Variants in RABGAP1L observed in about 807,000 individuals in gnomAD.
RABGAP1L encodes the protein rab GTPase-activating protein 1-like.
Under a neutral mutation model 137.7 loss-of-function variants are expected in RABGAP1L, and 63 were observed. That is an observed-to-expected ratio of 0.46 (90% confidence interval 0.37 to 0.56). RABGAP1L has a LOEUF of 0.56. Ranked by LOEUF, RABGAP1L falls within the 20% of genes least tolerant of loss-of-function variation. The pLI is 0.00. For synonymous variants in RABGAP1L, 431 were observed against 433.7 expected (o/e 0.99, Z 0.08); for missense variants, 1,095 against 1,244.0 (o/e 0.88, Z 1.80).
intron 13 of RABGAP1L, among the ~76,000 whole-genome samples, chr1:174,504,902 A>G (rs1340685213): frequency 6.6e-6 from 1 of 152,232 alleles, no homozygotes; most frequent in East Asian, 1.9e-4. Context: ...GCTTCTGCAC[A>G]GCAAAAGAAA....
intron 17 of RABGAP1L, among the ~76,000 whole-genome samples, chr1:174,720,286 T>TAGACAGAC (rs1405238811): frequency 5.2e-5 from 7 of 134,168 alleles, no homozygotes; most frequent in African/African-American, 2.6e-4. Flanking sequence ...GATAGATAGA[T>TAGACAGAC]AGATAGACAG....
chr1:174,743,528 A>G (rs1246918056), intron 17 of RABGAP1L, among the ~76,000 whole-genome samples: 1 of 152,142 alleles, frequency 6.6e-6, no homozygotes. Flanking sequence ...AGTTTTATCT[A>G]ATTCAGATGT....
chr1:174,895,790 G>C (rs1657051808), intron 19 of RABGAP1L, among the ~76,000 whole-genome samples: 1 of 152,108 alleles, frequency 6.6e-6, no homozygotes, highest in African/African-American at 2.4e-5. Flanking sequence ...TTTTGTGGCT[G>C]CATAGTATTC....
chr1:174,642,312 A>G (rs904887572), intron 14 of RABGAP1L, among the ~76,000 whole-genome samples: 4 of 152,068 alleles, frequency 2.6e-5, no homozygotes, highest in Admixed American at 6.5e-5. Flanking sequence ...TTTACCAAAT[A>G]TTTTTATCAA....
At chr1:174,551,003 T>TATATATATAC (rs1558334512) in intron 13 of RABGAP1L, among the ~76,000 whole-genome samples, 19 of 114,388 alleles carry the variant, frequency 1.7e-4, no homozygotes, top group South Asian at 2.7e-4. Context: ...TATACACATA[T>TATATATATAC]ATATATATAT....
At chr1:174,384,416 A>G (rs1337910890) in intron 12 of RABGAP1L, among the ~76,000 whole-genome samples, 3 of 152,182 alleles carry the variant, frequency 2.0e-5, no homozygotes, top group East Asian at 1.9e-4. Context: ...TTTACTCTGT[A>G]TAAATTGTGC....
At chr1:174,783,053 C>T (rs1430903161) in intron 18 of RABGAP1L, among the ~76,000 whole-genome samples, 1 of 152,158 alleles carries the variant, frequency 6.6e-6, no homozygotes, top group African/African-American at 2.4e-5. Flanking sequence ...CTGGCTGGAG[C>T]TGAGCTTTTG....
intron 14 of RABGAP1L, among the ~76,000 whole-genome samples, chr1:174,655,711 C>G (rs1017527744): frequency 6.6e-6 from 1 of 152,202 alleles, no homozygotes; most frequent in Non-Finnish European, 1.5e-5. Context: ...TATGTTATAT[C>G]AATATGGACT....
At chr1:174,441,889 A>G (rs1043881890) in intron 13 of RABGAP1L, among the ~76,000 whole-genome samples, 3 of 151,946 alleles carry the variant, frequency 2.0e-5, no homozygotes, top group African/African-American at 7.2e-5. Flanking sequence ...TAGTGGGTCA[A>G]AGGCACTGCT....
intron 1 of RABGAP1L, among the ~76,000 whole-genome samples, chr1:174,203,646 ATGT>A (rs1399067761): frequency 1.3e-5 from 2 of 152,140 alleles, no homozygotes; most frequent in Admixed American, 6.6e-5. Flanking sequence ...TCTGTGAAGA[ATGT>A]TGTTTGATAG....
At chr1:174,747,465 C>A (rs1309547039) in intron 17 of RABGAP1L, among the ~76,000 whole-genome samples, 1 of 147,688 alleles carries the variant, frequency 6.8e-6, no homozygotes, top group Non-Finnish European at 1.5e-5. Flanking sequence ...ATTCCATCAA[C>A]TCAAATGTCT....
chr1:174,425,053 A>G (rs1340237416), intron 13 of RABGAP1L, among the ~76,000 whole-genome samples: 2 of 152,062 alleles, frequency 1.3e-5, no homozygotes, highest in Admixed American at 1.3e-4. Flanking sequence ...ACAAAATACT[A>G]TTTGAGATGT....
intron 11 of RABGAP1L, among the ~76,000 whole-genome samples, chr1:174,327,980 CACACACATATATATATATATATAT>C (rs1204804133): frequency 0.061 from 6,445 of 105,904 alleles, 1,071 homozygotes; most frequent in African/African-American, 0.25. Flanking sequence ...TATATATATA[CACACACATATATATATATATATAT>C]ATATATATAT....
chr1:174,295,317 A>G (rs1008815132), intron 10 of RABGAP1L, among the ~76,000 whole-genome samples: 2 of 151,208 alleles, frequency 1.3e-5, no homozygotes, highest in Non-Finnish European at 2.9e-5. Context: ...GGTCTCAAGC[A>G]GTCCTTCTGC....
chr1:174,373,165 C>T (rs539353716), intron 12 of RABGAP1L, among the ~76,000 whole-genome samples: 10 of 152,138 alleles, frequency 6.6e-5, no homozygotes, highest in Admixed American at 6.5e-4. Flanking sequence ...TTAGATGGTC[C>T]TGAGTTAGGA....
intron 13 of RABGAP1L, among the ~76,000 whole-genome samples, chr1:174,629,672 G>A (rs2148304940): frequency 6.6e-6 from 1 of 152,154 alleles, no homozygotes; most frequent in South Asian, 2.1e-4. Context: ...ACAGGCATGT[G>A]CTACCATGCC....
At chr1:174,430,283 G>T (rs1414231221) in intron 13 of RABGAP1L, among the ~76,000 whole-genome samples, 1 of 151,784 alleles carries the variant, frequency 6.6e-6, no homozygotes, top group East Asian at 1.9e-4. Context: ...TCAGGTGGGA[G>T]GATTGCTTGA....
chr1:174,985,972 C>T (rs541315973), intron 24 of RABGAP1L, among the ~76,000 whole-genome samples: 1 of 151,720 alleles, frequency 6.6e-6, no homozygotes, highest in South Asian at 2.1e-4. Context: ...GGGGTCTCGC[C>T]CTGTCGCCCA....
chr1:174,599,890 G>A (rs1670282361), intron 13 of RABGAP1L, among the ~76,000 whole-genome samples: 2 of 152,020 alleles, frequency 1.3e-5, no homozygotes, highest in African/African-American at 4.8e-5. Flanking sequence ...AATGTTTTCT[G>A]TTATTATCTC....
Sources: gnomAD v4.1 joint callset for allele counts (sites outside exome capture counted in the v4.1 genomes callset) on GRCh38, gnomAD v4.1.1 for gene constraint, MANE v1.5 for transcripts, NCBI Gene and HGNC (gene_info 2026-07-23, HGNC 2026-07-21) for gene names.